The following CYP19A1 variants were observed in gnomAD, a reference collection of about 807,000 sequenced individuals.
CYP19A1 encodes the protein cytochrome P450 family 19 subfamily A member 1.
A neutral mutation model predicts 44.4 loss-of-function variants in CYP19A1; 32 were observed. The ratio of observed to expected loss-of-function variants is 0.72; its 90% CI spans 0.54 to 0.97. The LOEUF (loss-of-function observed/expected upper bound fraction) is 0.97, where lower values mean the gene tolerates loss of function less well. Ranked by LOEUF, CYP19A1 falls within the 50% of genes least tolerant of loss-of-function variation. The probability of loss-of-function intolerance (pLI) is 0.00; values close to 1 mark genes in which losing one functional copy is unlikely to be tolerated. For missense variants in CYP19A1, 598 were observed against 637.8 expected (o/e 0.94, Z 0.67); for synonymous variants, 212 against 215.6 (o/e 0.98, Z 0.14).
intron 1 of CYP19A1, among the ~76,000 whole-genome samples, chr15:51,326,014 A>G (rs2036603196): frequency 6.6e-6 from 1 of 152,188 alleles, no homozygotes; most frequent in Non-Finnish European, 1.5e-5. Context: ...TTTATTGAAT[A>G]TTGTACTGAA....
intron 1 of CYP19A1, among the ~76,000 whole-genome samples, chr15:51,313,555 G>A (rs1351533754): frequency 1.3e-5 from 2 of 152,196 alleles, no homozygotes; most frequent in Non-Finnish European, 2.9e-5. Context: ...CCAGCACTTT[G>A]GGAGGCTGAG....
chr15:51,288,356 C>A (rs538495908), intron 1 of CYP19A1, among the ~76,000 whole-genome samples: 1 of 152,282 alleles, frequency 6.6e-6, no homozygotes, highest in East Asian at 1.9e-4. Context: ...CGCCCACCCC[C>A]CATAGTCCAC....
chr15:51,332,829 C>T (rs1470317067), intron 1 of CYP19A1, among the ~76,000 whole-genome samples: 2 of 149,540 alleles, frequency 1.3e-5, no homozygotes, highest in Admixed American at 6.6e-5. Context: ...AAAGTTGATG[C>T]CCCCATGATC....
At chr15:51,271,396 A>G (rs2035122477) in intron 1 of CYP19A1, among the ~76,000 whole-genome samples, 1 of 152,178 alleles carries the variant, frequency 6.6e-6, no homozygotes, top group African/African-American at 2.4e-5. Context: ...CATCCAAATG[A>G]TGTTTTCCAG....
chr15:51,229,945 A>T (rs2032899962), intron 3 of CYP19A1, among the ~76,000 whole-genome samples: 1 of 152,220 alleles, frequency 6.6e-6, no homozygotes, highest in Non-Finnish European at 1.5e-5. Context: ...CATAAAACAA[A>T]CCCAACGAAA....
chr15:51,278,326 G>T (rs1165918556), intron 1 of CYP19A1, among the ~76,000 whole-genome samples: 1 of 152,168 alleles, frequency 6.6e-6, no homozygotes, highest in Non-Finnish European at 1.5e-5. Flanking sequence ...CTGACCATGA[G>T]GAGGAGAAAA....
At chr15:51,327,258 C>G (rs543484131) in intron 1 of CYP19A1, among the ~76,000 whole-genome samples, 68 of 152,280 alleles carry the variant, frequency 4.5e-4, no homozygotes, top group Non-Finnish European at 8.5e-4. Flanking sequence ...CATCACTGCT[C>G]TCCATTTCTT....
chr15:51,218,953 T>G (rs970679383), intron 5 of CYP19A1, among the ~76,000 whole-genome samples: 1 of 152,264 alleles, frequency 6.6e-6, no homozygotes, highest in African/African-American at 2.4e-5. Context: ...CTCCTTGGGC[T>G]GAGCTTTCAA....
chr15:51,316,333 A>C (rs1187560187), intron 1 of CYP19A1, among the ~76,000 whole-genome samples: 1 of 152,152 alleles, frequency 6.6e-6, no homozygotes, highest in Non-Finnish European at 1.5e-5. Context: ...TACAAAAAAT[A>C]AAAAAGAAAA....
intron 1 of CYP19A1, among the ~76,000 whole-genome samples, chr15:51,256,083 C>G (rs1165630078): frequency 6.6e-6 from 1 of 152,212 alleles, no homozygotes; most frequent in Non-Finnish European, 1.5e-5. Flanking sequence ...ATGGGCAAGG[C>G]AGAGTATCTT....
At chr15:51,304,451 A>C (rs2036174064) in intron 1 of CYP19A1, among the ~76,000 whole-genome samples, 1 of 152,202 alleles carries the variant, frequency 6.6e-6, no homozygotes, top group African/African-American at 2.4e-5. Context: ...GGGAGCCAGC[A>C]ATGCTTTCCA....
intron 1 of CYP19A1, among the ~76,000 whole-genome samples, chr15:51,301,261 A>G (rs28757111): frequency 0.09 from 13,638 of 152,232 alleles, 898 homozygotes; most frequent in South Asian, 0.21. Context: ...CCTCTCTCTG[A>G]TACCCTGAGA....
At chr15:51,293,325 A>G (rs1355011247) in intron 1 of CYP19A1, among the ~76,000 whole-genome samples, 2 of 152,200 alleles carry the variant, frequency 1.3e-5, no homozygotes, top group African/African-American at 4.8e-5. Flanking sequence ...AATTTGCACA[A>G]TTGTAAACAA....
At chr15:51,281,126 G>A (rs1470087916) in intron 1 of CYP19A1, among the ~76,000 whole-genome samples, 1 of 152,162 alleles carries the variant, frequency 6.6e-6, no homozygotes, top group Non-Finnish European at 1.5e-5. Flanking sequence ...TTTCCCAGTG[G>A]AAAATTCAGC....
At chr15:51,332,596 C>G (rs1027129873) in intron 1 of CYP19A1, among the ~76,000 whole-genome samples, 1 of 152,196 alleles carries the variant, frequency 6.6e-6, no homozygotes. Flanking sequence ...CATCCTGTAG[C>G]CTTTAAGCTG....
At chr15:51,224,959 C>T (rs182945628) in intron 4 of CYP19A1, among the ~76,000 whole-genome samples, 43 of 152,290 alleles carry the variant, frequency 2.8e-4, no homozygotes, top group African/African-American at 9.6e-4. Context: ...CTTTTGTTTT[C>T]TTAATTAGCT....
At chr15:51,256,482 A>G (rs1031180188) in intron 1 of CYP19A1, among the ~76,000 whole-genome samples, 1 of 152,176 alleles carries the variant, frequency 6.6e-6, no homozygotes, top group East Asian at 1.9e-4. Flanking sequence ...TGAGTGTAGC[A>G]GGGGAGAGGT....
chr15:51,325,118 C>T (rs994421801), intron 1 of CYP19A1, among the ~76,000 whole-genome samples: 1 of 152,094 alleles, frequency 6.6e-6, no homozygotes, highest in African/African-American at 2.4e-5. Context: ...GCTTGGGAGG[C>T]CAGAAGATTG....
chr15:51,243,003 T>C, intron 1 of CYP19A1, 53 bp from the exon 2 acceptor site: 1 of 888,682 alleles, frequency 1.1e-6, no homozygotes, highest in Non-Finnish European at 1.9e-6. Flanking sequence ...AAGGTTCATC[T>C]ATAGCTCCTG....
Sources: gnomAD v4.1 joint callset for allele counts (sites outside exome capture counted in the v4.1 genomes callset) on GRCh38, gnomAD v4.1.1 for gene constraint, MANE v1.5 for transcripts, NCBI Gene and HGNC (gene_info 2026-07-23, HGNC 2026-07-21) for gene names.